ABCB10: variants seen among roughly 807,000 people sequenced by gnomAD.
The protein encoded by ABCB10 is ATP binding cassette subfamily B member 10.
A neutral mutation model predicts 65.4 loss-of-function variants in ABCB10; 54 were observed. That is an observed-to-expected ratio of 0.83 (90% CI 0.66 to 1.04). ABCB10 has a LOEUF of 1.04. Ranked by LOEUF, ABCB10 falls within the 50% of genes least tolerant of loss-of-function variation. ABCB10 has a pLI of 0.00. For synonymous variants in ABCB10, 418 were observed against 406.5 expected, an observed-to-expected ratio of 1.03 and a Z score of -0.34; for missense variants, 846 against 976.6, an observed-to-expected ratio of 0.87 and a Z score of 1.78.
At chr1:229,544,928 A>G (rs551885846) in intron 3 of ABCB10, among the ~76,000 whole-genome samples, 1 of 151,994 alleles carries the variant, frequency 6.6e-6, no homozygotes, top group Non-Finnish European at 1.5e-5. Context: ...TGGACTTCTA[A>G]CCTCCAGAAT....
intron 10 of ABCB10, 121 bp from the exon 11 acceptor site, chr1:229,521,756 G>T: frequency 1.1e-6 from 1 of 894,816 alleles, no homozygotes; most frequent in Non-Finnish European, 1.7e-6. Context: ...AGCTGACACA[G>T]ATAGACCAGA....
chr1:229,527,130 C>A, intron 9 of ABCB10, 99 bp downstream of exon 9: 1 of 1,153,642 alleles, frequency 8.7e-7, no homozygotes, highest in Non-Finnish European at 1.3e-6. Context: ...GACTTCCATT[C>A]CTTCTCTCTT....
chr1:229,528,194 C>T (rs1405776720), intron 8 of ABCB10, among the ~76,000 whole-genome samples: 1 of 152,142 alleles, frequency 6.6e-6, no homozygotes, highest in Admixed American at 6.5e-5. Context: ...GCACAAAGCT[C>T]TTTATAGACT....
intron 3 of ABCB10, among the ~76,000 whole-genome samples, chr1:229,546,137 A>G (rs1418157781): frequency 6.6e-6 from 1 of 150,612 alleles, no homozygotes; most frequent in Non-Finnish European, 1.5e-5. Flanking sequence ...GTGCCATTGC[A>G]CTTCAGCCCG....
At chr1:229,542,211 C>T (rs754809868) in intron 4 of ABCB10, 26 bp downstream of exon 4, 12 of 1,610,910 alleles carry the variant, frequency 7.4e-6, no homozygotes, top group Middle Eastern at 1.7e-4. Flanking sequence ...CTGCTGGAAA[C>T]CACGCGGACA....
chr1:229,557,368 G>A (rs1053776230), intron 1 of ABCB10, among the ~76,000 whole-genome samples: 1 of 152,186 alleles, frequency 6.6e-6, no homozygotes, highest in Non-Finnish European at 1.5e-5. Flanking sequence ...GCATGCCACT[G>A]TAAACCCAGG....
rs200464598 is a variant in ABCB10 at position 229,542,222 on chromosome 1, G to A, written c.1056+15C>T. The A allele has an allele frequency of 4.0e-5, 65 of 1,613,274 alleles. No homozygotes were observed. In the East Asian group the frequency reaches 1.4e-3, roughly 35 times the overall value. On this transcript the variant is annotated intron_variant, in intron 4 of 12. Transcript: ENST00000344517. ...CATTCTGCTGGAAACCACGCGGACA[G>A]GAAGGGGCCTTTACCTGAGTGGCTT...
chr1:229,532,965 A>G (rs950888069), intron 6 of ABCB10, among the ~76,000 whole-genome samples: 1 of 152,048 alleles, frequency 6.6e-6, no homozygotes, highest in Non-Finnish European at 1.5e-5. Flanking sequence ...ACATTCCAGC[A>G]ATCTCTTTAT....
In ABCB10 at chr1:229,539,422, T is replaced by C. The variant is rs534360820; in HGVS notation, c.1339+34A>G. On this transcript the variant is annotated intron_variant, in intron 6 of 12. Transcript: ENST00000344517. ...TCAGAAATGATGCTCTGATTTTTAATTTGTAACACCCCAAGCCTATTTAAA... is the reference window on the plus strand; with the variant it reads ...TCAGAAATGATGCTCTGATTTTTAACTTGTAACACCCCAAGCCTATTTAAA... 1.9e-6 allele frequency: 3 copies of C among 1,604,890 alleles called. No individual in the cohort carries two copies. The Admixed American group carries it at 5.2e-5, about 28-fold the overall frequency.
rs776583118 is a variant in ABCB10 at position 229,525,999 on chromosome 1, A to C, written c.1843T>G (p.Phe615Val). 12 of 1,614,100 alleles carry C rather than the reference A, an allele frequency of 7.4e-6. No homozygotes were observed. In the South Asian group the frequency reaches 1.3e-4, roughly 18 times the overall value. ...AACCCTTGGGGGAAATTCCGGATGA[A>C]GGCCACTGCATTGGCCACTTCAGCC... is the stretch of plus-strand genomic sequence containing the variant. ...RVAEVANAVA[F>V]IRNFPQGFNT... Residue 615 changes from phenylalanine to valine, a missense_variant, in exon 10 of 13, where the codon TTC (phenylalanine) becomes GTC (valine). Coordinates refer to ENST00000344517, the MANE Select transcript of ABCB10 (RefSeq NM_012089.3).
At chr1:229,533,248 C>T (rs1310015571) in intron 6 of ABCB10, among the ~76,000 whole-genome samples, 6 of 152,218 alleles carry the variant, frequency 3.9e-5, no homozygotes, top group African/African-American at 1.4e-4. Context: ...CTCAGCCTCC[C>T]GAGTAGCTGG....
chr1:229,558,019 G>A (rs996523322), intron 1 of ABCB10, 117 bp downstream of exon 1: 17 of 1,136,248 alleles, frequency 1.5e-5, no homozygotes, highest in Non-Finnish European at 1.8e-5. Flanking sequence ...GAGTGGCCCA[G>A]GAGAGGCGGC....
chr1:229,549,803 T>C (rs1278743496), intron 1 of ABCB10: 1 of 238,758 alleles, frequency 4.2e-6, no homozygotes, highest in African/African-American at 2.2e-5. Context: ...CCTCCATTCA[T>C]GCTATACATG....
At chr1:229,530,169 C>G in intron 8 of ABCB10, 30 bp downstream of exon 8, 1 of 1,610,038 alleles carries the variant, frequency 6.2e-7, no homozygotes. Flanking sequence ...GGGAGAGTCC[C>G]TCGGTGCTAC....
chr1:229,547,797 G>T, intron 2 of ABCB10, 96 bp from the exon 3 acceptor site: 1 of 1,198,664 alleles, frequency 8.3e-7, no homozygotes, highest in Non-Finnish European at 1.2e-6. Flanking sequence ...GCCTGGAGTT[G>T]TAACCCTCCT....
chr1:229,526,056 A>G lies in ABCB10; in HGVS notation c.1786T>C (p.Ser596Pro). The change falls in exon 10 of 13, where the codon TCC becomes CCC. Residue 596 changes from serine to proline, a missense_variant. Physicochemically the swap from Ser to Pro is moderately conservative, Grantham distance 74 (BLOSUM62 -1). Around this residue, in one of 2 missense-constraint regions of ABCB10, gnomAD observed 632 missense variants for 803.2 expected, o/e 0.79. Coordinates refer to ENST00000344517, the MANE Select transcript of ABCB10 (RefSeq NM_012089.3). ...ENIAYGADDP[S>P]SVTAEEIQRV... ...TGGATTTCCTCAGCGGTCACAGAGG[A>G]AGGGTCATCAGCACCATAAGCAATG... 2.5e-6 allele frequency: 4 copies of G among 1,614,244 alleles called. No homozygotes were observed. Among genetic ancestry groups the G allele is most frequent in the Non-Finnish European group, 3.4e-6 (4 of 1,180,046 alleles).
At chr1:229,552,616 C>T (rs1478760243) in intron 1 of ABCB10, among the ~76,000 whole-genome samples, 1 of 152,184 alleles carries the variant, frequency 6.6e-6, no homozygotes, top group Non-Finnish European at 1.5e-5. Flanking sequence ...GGAAGCTGTA[C>T]ACTGTGCCTA....
rs781025540 is a variant in ABCB10, at chr1:229,540,750, T to C, written c.1059A>G (p.Leu353=). ...TTACATTTCCAATACGTTCCTCAGC[T>C]AGCTGGGAGAATAATAAATACATTT... is the stretch of plus-strand genomic sequence containing the variant. ...TQDSLAQATQ[L]AEERIGNVRT... Residue 353 remains leucine (L), a splice_region_variant and synonymous_variant, in exon 5 of 13, where the codon CTA becomes CTG. Coordinates refer to ENST00000344517, the MANE Select transcript of ABCB10 (RefSeq NM_012089.3). The C allele has an allele frequency of 6.2e-6, 10 of 1,611,576 alleles. No homozygotes were observed. In the East Asian group the frequency reaches 1.3e-4, roughly 22 times the overall value.
intron 7 of ABCB10, among the ~76,000 whole-genome samples, chr1:229,531,160 T>C (rs770857219): frequency 2.5e-4 from 38 of 152,198 alleles, no homozygotes; most frequent in Non-Finnish European, 4.4e-4. Context: ...AGGAAGGAGA[T>C]GGCTCCAGCC....
Sources: gnomAD v4.1 joint callset for allele counts (sites outside exome capture counted in the v4.1 genomes callset) on GRCh38, gnomAD v4.1.1 for gene constraint, gnomAD v4.1.1 regional missense constraint, MANE v1.5 for transcripts, NCBI Gene and HGNC (gene_info 2026-07-23, HGNC 2026-07-21) for gene names.